The following SLC24A2 variants were observed in gnomAD, a reference collection of about 807,000 sequenced individuals.
SLC24A2 encodes the protein sodium/potassium/calcium exchanger 2.
SLC24A2 carries 36 observed loss-of-function variants against 62.0 expected under a neutral mutation model. The ratio of observed to expected loss-of-function variants is 0.58; its 90% CI spans 0.44 to 0.77. The LOEUF (loss-of-function observed/expected upper bound fraction) is 0.77. Ranked by LOEUF, SLC24A2 falls within the 30% of genes least tolerant of loss-of-function variation. SLC24A2 has a pLI of 0.00. For synonymous variants in SLC24A2, 358 were observed against 294.0 expected (o/e 1.22, Z -2.23); for missense variants, 846 against 817.9 (o/e 1.03, Z -0.42).
chr9:19,686,457 T>C (rs941358955), intron 2 of SLC24A2, among the ~76,000 whole-genome samples: 4 of 152,070 alleles, frequency 2.6e-5, no homozygotes, highest in South Asian at 2.1e-4. Context: ...CACATGTACA[T>C]TGATATGGTT....
chr9:19,981,931 C>G, the SLC24A2 span, among the ~76,000 whole-genome samples: 2 of 152,248 alleles, frequency 1.3e-5, no homozygotes, highest in South Asian at 4.1e-4. Context: ...ATGAGATTAA[C>G]CAGTCAGATG....
chr9:19,963,867 G>C, the SLC24A2 span, among the ~76,000 whole-genome samples: 1 of 152,042 alleles, frequency 6.6e-6, no homozygotes, highest in African/African-American at 2.4e-5. Flanking sequence ...TCCCATTACT[G>C]GGTATATACC....
At chr9:19,526,151 G>A (rs1006442656) in intron 9 of SLC24A2, among the ~76,000 whole-genome samples, 7 of 152,006 alleles carry the variant, frequency 4.6e-5, no homozygotes, top group South Asian at 2.1e-4. Flanking sequence ...TAATATTTTC[G>A]AATTTCACTC....
chr9:20,213,256 G>T, the SLC24A2 span, among the ~76,000 whole-genome samples: 2 of 151,674 alleles, frequency 1.3e-5, no homozygotes, highest in Admixed American at 1.3e-4. Flanking sequence ...TTCATTTAAA[G>T]AAAAAGTAAA....
the SLC24A2 span, among the ~76,000 whole-genome samples, chr9:19,820,009 G>GTGTATA: frequency 6.4e-5 from 7 of 109,030 alleles, no homozygotes; most frequent in Admixed American, 2.8e-4. Flanking sequence ...ATATATATGT[G>GTGTATA]TATATATATA....
At position 19,671,078 on chromosome 9, in the gene SLC24A2, A is replaced by G. The variant is rs779424278; in HGVS notation, c.931-48779T>C. 8.4e-5 allele frequency among the ~76,000 whole-genome samples: 5 copies of G among 59,294 alleles called. 1 individual carries two copies. Among genetic ancestry groups the G allele is most frequent in the Non-Finnish European group, 2.0e-4 (4 of 19,612 alleles). 38.9% of individuals were successfully genotyped at this position (59,294 alleles called of 152,430 possible). A position where few individuals can be genotyped will look rare whatever the true frequency, so the allele number is the denominator to read the frequency against. On this transcript the variant is annotated intron_variant, in intron 2 of 10. Transcript: ENST00000341998. ...TACTGTTTGGAAAACCAAACATCACATGTGAAGAATGATGGTGGTATTTGG... is the reference window on the plus strand; with the variant it reads ...TACTGTTTGGAAAACCAAACATCACGTGTGAAGAATGATGGTGGTATTTGG...
At chr9:20,017,393 G>A in the SLC24A2 span, among the ~76,000 whole-genome samples, 2 of 151,890 alleles carry the variant, frequency 1.3e-5, no homozygotes, top group Admixed American at 6.6e-5. Flanking sequence ...CTATTTTTTG[G>A]CACAAAAATA....
the SLC24A2 span, among the ~76,000 whole-genome samples, chr9:19,944,204 G>A: frequency 1.3e-5 from 2 of 152,090 alleles, no homozygotes. Flanking sequence ...GCAAAGGTAA[G>A]TGAAAGACCT....
the SLC24A2 span, among the ~76,000 whole-genome samples, chr9:19,963,426 C>G: frequency 4.8e-4 from 72 of 149,794 alleles, no homozygotes; most frequent in African/African-American, 1.6e-3. Context: ...TCAGAGTGAA[C>G]AGGCAACCTA....
intron 2 of SLC24A2, among the ~76,000 whole-genome samples, chr9:19,700,073 G>C (rs1277152739): frequency 6.6e-6 from 1 of 152,158 alleles, no homozygotes; most frequent in Admixed American, 6.5e-5. Flanking sequence ...GAAGTTTAAA[G>C]ACAGTATAAG....
At chr9:19,679,529 A>T (rs904067799) in intron 2 of SLC24A2, among the ~76,000 whole-genome samples, 6 of 152,106 alleles carry the variant, frequency 3.9e-5, no homozygotes, top group South Asian at 2.1e-4. Context: ...TTTGGAAGGG[A>T]TTAGCATTTG....
the SLC24A2 span, among the ~76,000 whole-genome samples, chr9:19,903,882 T>C: frequency 4.3e-4 from 66 of 152,310 alleles, no homozygotes; most frequent in Admixed American, 1.4e-3. Flanking sequence ...TATTCTCCCA[T>C]GTCCTTGTGA....
chr9:20,236,385 G>C, the SLC24A2 span, among the ~76,000 whole-genome samples: 2 of 152,206 alleles, frequency 1.3e-5, no homozygotes, highest in East Asian at 3.8e-4. Flanking sequence ...AGAAACAGCT[G>C]TTTATTGATT....
At chr9:19,605,162 G>C (rs745438770) in intron 4 of SLC24A2, among the ~76,000 whole-genome samples, 1 of 152,176 alleles carries the variant, frequency 6.6e-6, no homozygotes, top group Non-Finnish European at 1.5e-5. Context: ...GAGGAGCTAG[G>C]GCATGCCATT....
chr9:19,778,675 A>G (rs995444649), intron 2 of SLC24A2, among the ~76,000 whole-genome samples: 1 of 152,200 alleles, frequency 6.6e-6, no homozygotes. Context: ...CCCAGTTGGT[A>G]GTACTCCCGG....
At chr9:20,276,913 C>T in the SLC24A2 span, among the ~76,000 whole-genome samples, 2 of 152,214 alleles carry the variant, frequency 1.3e-5, no homozygotes, top group Admixed American at 1.3e-4. Flanking sequence ...AATCCCAAGA[C>T]TGCACAAAGC....
In SLC24A2 at chr9:19,619,600, A is replaced by C. The variant is rs1281913233; in HGVS notation, c.1062T>G (p.Leu354=). The change falls in exon 4 of 11, where the codon CTT becomes CTG. Residue 354 remains leucine, a synonymous_variant. Coordinates refer to ENST00000341998, the MANE Select transcript of SLC24A2 (RefSeq NM_020344.4). ...NSIFQLMIHT[L]DPLAEELGSY... is the part of the protein sequence containing the mutation. ...GATGTTTACCTTCGGCGAGTGGGTCAAGGGTGTGTATCATGAGTTGGAAGA... is the reference window on the plus strand; with the variant it reads ...GATGTTTACCTTCGGCGAGTGGGTCCAGGGTGTGTATCATGAGTTGGAAGA... 1.9e-6 allele frequency: 3 copies of C among 1,613,610 alleles called. No homozygotes were observed. The highest frequency in any genetic ancestry group is 2.5e-6 in the Non-Finnish European group (3 of 1,179,516).
chr9:19,536,275 T>C (rs1275265461), intron 8 of SLC24A2, among the ~76,000 whole-genome samples: 2 of 151,072 alleles, frequency 1.3e-5, no homozygotes, highest in African/African-American at 2.4e-5. Context: ...TATGTATACA[T>C]GTGCCATGCT....
chr9:19,912,118 C>T, the SLC24A2 span, among the ~76,000 whole-genome samples: 3 of 152,054 alleles, frequency 2.0e-5, no homozygotes, highest in African/African-American at 7.2e-5. Flanking sequence ...ATTCAAACCC[C>T]CGGGGTGGGG....
Sources: allele counts gnomAD v4.1 joint callset (sites outside exome capture counted in the v4.1 genomes callset), GRCh38; gene constraint gnomAD v4.1.1; transcripts MANE v1.5; gene names NCBI Gene and HGNC (gene_info 2026-07-23, HGNC 2026-07-21).